The following DLGAP2 variants were observed in gnomAD, a reference collection of about 807,000 sequenced individuals.
DLGAP2 encodes DLG associated protein 2.
In DLGAP2, 26 loss-of-function variants were observed where a neutral mutation model predicts 100.3. The ratio of observed to expected loss-of-function variants is 0.26; its 90% confidence interval spans 0.19 to 0.36. The LOEUF (loss-of-function observed/expected upper bound fraction) is 0.36, where lower values mean the gene tolerates loss of function less well. Among genes scored for constraint, DLGAP2 ranks in the 10% least tolerant of loss-of-function variants. DLGAP2 has a pLI of 1.00. For missense variants in DLGAP2, 1,858 were observed against 1,453.2 expected (o/e 1.28, Z -4.53); for synonymous variants, 886 against 630.1 (o/e 1.41, Z -6.08).
chr8:1,127,697 C>T (rs889781002), intron 2 of DLGAP2, among the ~76,000 whole-genome samples: 1 of 152,184 alleles, frequency 6.6e-6, no homozygotes, highest in African/African-American at 2.4e-5. Flanking sequence ...AGTGTTCCGG[C>T]ATTAACAGAA....
chr8:1,375,114 A>G (rs1367359137), intron 3 of DLGAP2, among the ~76,000 whole-genome samples: 1 of 145,302 alleles, frequency 6.9e-6, no homozygotes. Context: ...CACCTCCTAC[A>G]TTTGGGTTAA....
chr8:1,027,421 G>A (rs1464181772), intron 2 of DLGAP2, among the ~76,000 whole-genome samples: 5 of 150,030 alleles, frequency 3.3e-5, no homozygotes, highest in Non-Finnish European at 7.4e-5. Flanking sequence ...CTCGGTGCCT[G>A]TTATTCTCCA....
rs368062013 is a variant in DLGAP2 at position 1,548,867 on chromosome 8, C to G, written c.414C>G (p.Arg138=). 553 of 1,589,776 alleles carry G rather than the reference C, an allele frequency of 3.5e-4. No individual in the cohort carries two copies. The highest frequency in any genetic ancestry group is 4.5e-4 in the Non-Finnish European group (529 of 1,173,448). Residue 138 remains arginine, a synonymous_variant, in exon 5 of 15, where the codon CGC becomes CGG. Coordinates refer to ENST00000637795, the MANE Select transcript of DLGAP2 (RefSeq NM_001346810.2). ...CPGGRHRCSP[R]SSVHSECVMM... ...GGGGGCGCCACCGCTGCTCGCCGCGCAGCTCGGTGCACTCGGAGTGCGTGA... is the reference window on the plus strand; with the variant it reads ...GGGGGCGCCACCGCTGCTCGCCGCGGAGCTCGGTGCACTCGGAGTGCGTGA...
chr8:1,377,360 T>C (rs1015041484), intron 3 of DLGAP2, among the ~76,000 whole-genome samples: 8 of 152,250 alleles, frequency 5.3e-5, no homozygotes, highest in Middle Eastern at 3.4e-3. Context: ...CTGGGTAATA[T>C]GGTGAAACCC....
At chr8:1,537,233 G>A (rs1241137263) in intron 4 of DLGAP2, among the ~76,000 whole-genome samples, 1 of 152,184 alleles carries the variant, frequency 6.6e-6, no homozygotes, top group East Asian at 1.9e-4. Flanking sequence ...GTGCATCTGT[G>A]TGTTTGCGTG....
At chr8:1,134,439 A>G (rs1263066192) in intron 2 of DLGAP2, among the ~76,000 whole-genome samples, 1 of 151,748 alleles carries the variant, frequency 6.6e-6, no homozygotes, top group Non-Finnish European at 1.5e-5. Flanking sequence ...AGTAATTTAC[A>G]CTCCCACCAA....
At chr8:1,685,651 C>A (rs902078670) in intron 12 of DLGAP2, among the ~76,000 whole-genome samples, 8 of 151,950 alleles carry the variant, frequency 5.3e-5, no homozygotes, top group Non-Finnish European at 7.4e-5. Context: ...GAAAAGACAA[C>A]TCACAGAATG....
intron 2 of DLGAP2, among the ~76,000 whole-genome samples, chr8:1,021,469 T>G (rs1265362041): frequency 6.6e-6 from 1 of 152,206 alleles, no homozygotes; most frequent in East Asian, 1.9e-4. Context: ...TTAGCCATGT[T>G]GAGCTCAGCT....
At chr8:1,557,243 C>A (rs73544402) in intron 5 of DLGAP2, among the ~76,000 whole-genome samples, 9,109 of 152,220 alleles carry the variant, frequency 0.06, 306 homozygotes, top group South Asian at 0.11. Flanking sequence ...AGCTTTAGAA[C>A]AAGACAGACG....
intron 6 of DLGAP2, among the ~76,000 whole-genome samples, chr8:1,588,565 A>G (rs1206849376): frequency 1.3e-5 from 2 of 152,128 alleles, no homozygotes; most frequent in Non-Finnish European, 2.9e-5. Context: ...AGATAAATAA[A>G]ATAATTGTCA....
At chr8:1,655,870 A>T (rs1798271757) in intron 8 of DLGAP2, among the ~76,000 whole-genome samples, 1 of 152,256 alleles carries the variant, frequency 6.6e-6, no homozygotes, top group Non-Finnish European at 1.5e-5. Context: ...GACATGTCCT[A>T]GACAGCGCTG....
intron 8 of DLGAP2, among the ~76,000 whole-genome samples, chr8:1,640,934 A>G (rs1394203686): frequency 6.6e-6 from 1 of 152,220 alleles, no homozygotes; most frequent in African/African-American, 2.4e-5. Flanking sequence ...CTATAGGATG[A>G]GTGGATGAAA....
chr8:1,243,958 C>A (rs932473591), intron 2 of DLGAP2, among the ~76,000 whole-genome samples: 1 of 152,184 alleles, frequency 6.6e-6, no homozygotes, highest in East Asian at 1.9e-4. Context: ...CCTTCCAGCT[C>A]CCAGCCTCCG....
At chr8:1,303,594 CTCTT>C (rs1394144588) in intron 3 of DLGAP2, among the ~76,000 whole-genome samples, 1 of 152,078 alleles carries the variant, frequency 6.6e-6, no homozygotes, top group Non-Finnish European at 1.5e-5. Context: ...GTGTAACTCT[CTCTT>C]AACGGAGAAT....
chr8:1,676,069 T>C (rs1585053371), intron 10 of DLGAP2, among the ~76,000 whole-genome samples: 2 of 152,330 alleles, frequency 1.3e-5, no homozygotes, highest in South Asian at 4.1e-4. Flanking sequence ...CCTCTGTTTC[T>C]GATCAGTGCT....
chr8:1,041,095 A>G (rs1802334356), intron 2 of DLGAP2, among the ~76,000 whole-genome samples: 1 of 152,114 alleles, frequency 6.6e-6, no homozygotes, highest in African/African-American at 2.4e-5. Context: ...CCTCTTTCCT[A>G]AGGGGAGGTA....
In DLGAP2 at chr8:938,831, G is replaced by A. The variant is rs540529514; in HGVS notation, c.73+30865G>A. On this transcript the variant is annotated intron_variant, in intron 2 of 14. Coordinates refer to ENST00000637795, the MANE Select transcript of DLGAP2 (RefSeq NM_001346810.2). The stretch of plus-strand genomic sequence containing the variant: ...CCAGGTCTCGGCTCTCATTGCCTCA[G>A]AGGCCAAGGAGAGGGCAGAGGATGG... Among the ~76,000 whole-genome samples, 39 of 152,322 alleles carry A rather than the reference G, an allele frequency of 2.6e-4. No individual in the cohort carries two copies. In the South Asian group the frequency reaches 7.9e-3, roughly 31 times the overall value.
intron 3 of DLGAP2, among the ~76,000 whole-genome samples, chr8:1,372,263 C>G (rs573716946): frequency 6.6e-6 from 1 of 151,338 alleles, no homozygotes; most frequent in African/African-American, 2.4e-5. Flanking sequence ...GGTCACCGTG[C>G]TGCCAACGCT....
At chr8:847,756 C>A (rs990483721) in intron 1 of DLGAP2, among the ~76,000 whole-genome samples, 1 of 152,202 alleles carries the variant, frequency 6.6e-6, no homozygotes, top group Non-Finnish European at 1.5e-5. Flanking sequence ...ATCCGCCTAC[C>A]TCGGCCTCCC....
Sources: gnomAD v4.1 joint callset for allele counts (sites outside exome capture counted in the v4.1 genomes callset) on GRCh38, gnomAD v4.1.1 for gene constraint, MANE v1.5 for transcripts, NCBI Gene and HGNC (gene_info 2026-07-23, HGNC 2026-07-21) for gene names.